Variants in PDE7B observed in about 807,000 individuals in gnomAD.
PDE7B encodes the protein phosphodiesterase 7B, also known as 3',5'-cyclic-AMP phosphodiesterase 7B.
In PDE7B, 29 loss-of-function variants were observed where a neutral mutation model predicts 56.2. That is an observed-to-expected ratio of 0.52 (90% CI 0.38 to 0.70). The LOEUF (loss-of-function observed/expected upper bound fraction) is 0.70, where lower values mean the gene tolerates loss of function less well. Among genes scored for constraint, PDE7B ranks in the 30% least tolerant of loss-of-function variants. The probability of loss-of-function intolerance (pLI) is 0.00; values close to 1 mark genes in which losing one functional copy is unlikely to be tolerated. For missense variants in PDE7B, 490 were observed against 565.0 expected (o/e 0.87, Z 1.35); for synonymous variants, 197 against 196.9 (o/e 1.00, Z 0.00).
At chr6:135,920,775 G>C (rs913531988) in intron 1 of PDE7B, among the ~76,000 whole-genome samples, 1 of 152,180 alleles carries the variant, frequency 6.6e-6, no homozygotes, top group African/African-American at 2.4e-5. Context: ...AACCTAAGTA[G>C]AGGAAAAGTC....
chr6:136,079,000 C>T (rs772137664), intron 2 of PDE7B, among the ~76,000 whole-genome samples: 29 of 152,024 alleles, frequency 1.9e-4, no homozygotes, highest in Non-Finnish European at 3.4e-4. Flanking sequence ...GGGTTATACC[C>T]CTCATACTGT....
intron 2 of PDE7B, chr6:136,098,176 A>G (rs1777503015): frequency 6.9e-6 from 1 of 145,936 alleles, no homozygotes; most frequent in Non-Finnish European, 1.5e-5. Flanking sequence ...ACACACACAC[A>G]CATATACAGG....
chr6:135,980,340 A>G (rs889308203), intron 2 of PDE7B, among the ~76,000 whole-genome samples: 109 of 152,352 alleles, frequency 7.2e-4, no homozygotes, highest in African/African-American at 2.5e-3. Context: ...TAAAAACCCT[A>G]GAAGAAAACC....
intron 2 of PDE7B, among the ~76,000 whole-genome samples, chr6:136,022,465 A>C (rs188491474): frequency 1.2e-3 from 182 of 152,308 alleles, no homozygotes; most frequent in African/African-American, 4.0e-3. Context: ...AATTCGCCTG[A>C]TAAATATTTG....
intron 2 of PDE7B, among the ~76,000 whole-genome samples, chr6:135,966,313 C>T (rs1227439999): frequency 6.6e-6 from 1 of 151,500 alleles, no homozygotes; most frequent in South Asian, 2.1e-4. Flanking sequence ...CTCTCTTTGA[C>T]TCTCTACCTT....
At chr6:135,858,501 C>T (rs1215113510) in intron 1 of PDE7B, among the ~76,000 whole-genome samples, 1 of 152,058 alleles carries the variant, frequency 6.6e-6, no homozygotes, top group Admixed American at 6.6e-5. Context: ...TTTCTTTGAC[C>T]CTTACTAAAT....
At chr6:136,168,459 A>C (rs190224994) in intron 8 of PDE7B, among the ~76,000 whole-genome samples, 4 of 145,682 alleles carry the variant, frequency 2.7e-5, no homozygotes, top group Admixed American at 1.3e-4. Context: ...TTGGATCCCC[A>C]GTGCACACCA....
intron 2 of PDE7B, among the ~76,000 whole-genome samples, chr6:136,021,207 C>G (rs1307631909): frequency 6.6e-6 from 1 of 152,196 alleles, no homozygotes; most frequent in Non-Finnish European, 1.5e-5. Flanking sequence ...GGTATCTCAT[C>G]ATTCCAAACT....
intron 2 of PDE7B, among the ~76,000 whole-genome samples, chr6:135,981,068 A>G (rs1348850687): frequency 6.7e-6 from 1 of 150,170 alleles, no homozygotes; most frequent in African/African-American, 2.4e-5. Flanking sequence ...GATTAAGAAA[A>G]TGTGGCACAT....
chr6:135,915,766 C>G (rs1430223990), intron 1 of PDE7B, among the ~76,000 whole-genome samples: 1 of 152,196 alleles, frequency 6.6e-6, no homozygotes, highest in African/African-American at 2.4e-5. Flanking sequence ...TTAGTTTCAC[C>G]TGTTGAAGAA....
At chr6:135,931,765 G>A (rs763664881) in intron 1 of PDE7B, among the ~76,000 whole-genome samples, 1 of 152,062 alleles carries the variant, frequency 6.6e-6, no homozygotes, top group East Asian at 1.9e-4. Context: ...GAGGCTTTAA[G>A]ACTTTAGGTT....
At chr6:136,164,764 TAAA>T in intron 8 of PDE7B, among the ~76,000 whole-genome samples, 1 of 152,222 alleles carries the variant, frequency 6.6e-6, no homozygotes, top group East Asian at 1.9e-4. Context: ...TACATTAAAA[TAAA>T]AATCTACAGA....
Position 136,195,040 on chromosome 6 carries a change from G to A in PDE7B, c.*3200G>A, listed in dbSNP as rs971686011. On this transcript the variant is annotated 3_prime_UTR_variant, in exon 13 of 13. Coordinates refer to ENST00000308191, the MANE Select transcript of PDE7B (RefSeq NM_018945.4). ...GAAGAAAGGAATCAAAGGACTGTGT[G>A]TAGTAAGCTGACGGTAAAGTTAAGA... 2 of 152,198 alleles carry A rather than the reference G, an allele frequency of 1.3e-5. No homozygotes were observed. The highest frequency in any genetic ancestry group is 4.8e-5 in the African/African-American group (2 of 41,460). 9.4% of individuals were successfully genotyped at this position (152,198 alleles called of 1,614,324 possible).
intron 2 of PDE7B, among the ~76,000 whole-genome samples, chr6:136,095,100 T>G (rs1240395290): frequency 1.3e-5 from 2 of 152,224 alleles, no homozygotes; most frequent in Non-Finnish European, 2.9e-5. Context: ...CAGTACACAT[T>G]AACATACTGA....
chr6:136,015,021 G>A (rs1200642698), intron 2 of PDE7B, among the ~76,000 whole-genome samples: 2 of 152,326 alleles, frequency 1.3e-5, no homozygotes, highest in East Asian at 1.9e-4. Flanking sequence ...ACATATATGC[G>A]TGTGCGTGTA....
In PDE7B at chr6:135,914,446, G is replaced by A. The variant is rs113895422; in HGVS notation, c.22-33018G>A. 4.0e-3 allele frequency among the ~76,000 whole-genome samples: 573 copies of A among 145,006 alleles called. 6 individuals are homozygous for A. Among genetic ancestry groups the A allele is most frequent in the African/African-American group, 0.014 (559 of 40,268 alleles). ...TCCCAAGTCATGGAATCATACAGCA[G>A]ATAGCTTTTTGGACTGGCTTATTTC... On this transcript the variant is annotated intron_variant, in intron 1 of 12. Transcript: ENST00000308191.
intron 1 of PDE7B, among the ~76,000 whole-genome samples, chr6:135,881,589 C>G (rs895534375): frequency 2.0e-5 from 3 of 152,126 alleles, no homozygotes; most frequent in African/African-American, 4.8e-5. Context: ...ATAACAAACA[C>G]CTACTGCAAT....
At chr6:135,987,767 T>C (rs1342270731) in intron 2 of PDE7B, among the ~76,000 whole-genome samples, 1 of 152,192 alleles carries the variant, frequency 6.6e-6, no homozygotes, top group East Asian at 1.9e-4. Context: ...TTTTTGCTTT[T>C]ATTCACTAAT....
At chr6:136,159,614 A>C (rs1778670176) in intron 8 of PDE7B, among the ~76,000 whole-genome samples, 1 of 152,092 alleles carries the variant, frequency 6.6e-6, no homozygotes. Flanking sequence ...TACCAAGGAG[A>C]CCATTGGCTT....
Sources: allele counts gnomAD v4.1 joint callset (sites outside exome capture counted in the v4.1 genomes callset), GRCh38; gene constraint gnomAD v4.1.1; transcripts MANE v1.5; gene names NCBI Gene and HGNC (gene_info 2026-07-23, HGNC 2026-07-21).